The following ERMN variants were observed in gnomAD, a reference collection of about 807,000 sequenced individuals.
ERMN encodes ermin, ERM-like protein.
ERMN carries 17 observed loss-of-function variants against 21.4 expected under a neutral mutation model. That is an observed-to-expected ratio of 0.80 (90% CI 0.54 to 1.19). ERMN has a LOEUF of 1.19. Ranked by LOEUF, ERMN falls within the 50% of genes most tolerant of loss-of-function variation. The pLI is 0.00. For synonymous variants in ERMN, 115 were observed against 111.9 expected, an observed-to-expected ratio of 1.03 and a Z score of -0.17; for missense variants, 348 against 331.6, an observed-to-expected ratio of 1.05 and a Z score of -0.38.
Position 157,321,546 on chromosome 2 carries a change from A to AATT in ERMN, c.577_579dup (p.Asn193dup). ...CGAACTTCATCTTCATCATTATTGC[A>AATT]ATTATCATCATCATCATCATCAATT... is the stretch of plus-strand genomic sequence containing the variant. On this transcript the variant is annotated inframe_insertion, in exon 3 of 3. Coordinates refer to ENST00000410096, the MANE Select transcript of ERMN (RefSeq NM_020711.3). 1.9e-6 allele frequency: 3 copies of AATT among 1,613,856 alleles called. No homozygotes were observed. The highest frequency in any genetic ancestry group is 2.5e-6 in the Non-Finnish European group (3 of 1,179,936).
chr2:157,325,651 G>GTTGAATCC lies in ERMN; in HGVS notation c.-17_-10dup, dbSNP rs754105191. On this transcript the variant is annotated 5_prime_UTR_variant, in exon 1 of 3. Coordinates refer to ENST00000410096, the MANE Select transcript of ERMN (RefSeq NM_020711.3). The stretch of plus-strand genomic sequence containing the variant: ...GCCGGAACATCTGTCATGATGTGCG[G>GTTGAATCC]TTGAATCCGATCTGGAGAGAGAGCT... The GTTGAATCC allele has an allele frequency of 3.7e-6, 6 of 1,614,194 alleles. No individual in the cohort carries two copies. The highest frequency in any genetic ancestry group is 5.1e-6 in the Non-Finnish European group (6 of 1,180,010).
chr2:157,327,366 T>G (rs191828311), upstream of ERMN: 185 of 725,278 alleles, frequency 2.6e-4, no homozygotes, highest in Non-Finnish European at 4.1e-4. Context: ...GTCAGCACTC[T>G]AATTCTATGT....
Position 157,321,502 on chromosome 2 carries a change from T to A in ERMN, c.624A>T (p.Lys208Asn). 6.2e-7 allele frequency: 1 copy of A among 1,614,132 alleles called. No individual in the cohort carries two copies. ...EDEVRVIEFKKKHEEVSQFKE... is the reference protein window; with the variant it reads ...EDEVRVIEFKNKHEEVSQFKE... ...TAAATTGAGAAACCTCTTCATGTTT[T>A]TTCTTAAATTCTATCACTCGAACTT... The change falls in exon 3 of 3, where the codon AAA becomes AAT. Residue 208 changes from lysine to asparagine, a missense_variant. By Grantham distance (94) the Lys-to-Asn change is moderately conservative. Transcript: ENST00000410096.
chr2:157,325,337 C>A (rs1684037646), intron 1 of ERMN, 65 bp downstream of exon 1: 4 of 1,603,736 alleles, frequency 2.5e-6, no homozygotes, highest in African/African-American at 2.7e-5. Flanking sequence ...AATAGTTTAT[C>A]AAAAAAATCC....
chr2:157,322,040 G>A (rs531283440), intron 2 of ERMN, among the ~76,000 whole-genome samples: 9 of 152,100 alleles, frequency 5.9e-5, no homozygotes, highest in African/African-American at 1.7e-4. Context: ...AAATGCTAAC[G>A]AGTATTGTAA....
At position 157,319,609 on chromosome 2, in the gene ERMN, C is replaced by T. The variant is rs1462376307; in HGVS notation, c.*1662G>A. Reference sequence around the variant, plus strand: ...AATTAAATTGGAAATTGTCCTATTGCATCAATCTTCTCCCTAACTTTATCA... The same window carrying T: ...AATTAAATTGGAAATTGTCCTATTGTATCAATCTTCTCCCTAACTTTATCA... On this transcript the variant is annotated 3_prime_UTR_variant, in exon 3 of 3. Transcript: ENST00000410096. The T allele has an allele frequency of 6.6e-6, 1 of 152,134 alleles. No homozygotes were observed. The highest frequency in any genetic ancestry group is 1.5e-5 in the Non-Finnish European group (1 of 68,006). The allele number at this position is 152,134 out of a possible 1,614,324, so 9.4% of individuals were successfully genotyped here.
intron 2 of ERMN, among the ~76,000 whole-genome samples, chr2:157,323,660 T>C (rs1683974475): frequency 1.3e-5 from 2 of 152,204 alleles, no homozygotes; most frequent in Admixed American, 1.3e-4. Flanking sequence ...ATAAGATGTG[T>C]ATGGCTGCAA....
Position 157,321,316 on chromosome 2 carries a change from A to G in ERMN, c.810T>C (p.Asn270=), listed in dbSNP as rs777479795. ...CGAATTCATCAATTCTTTGCTTGGT[A>G]TTTCCCTTTCTGATTTTCCGATAGG... ...TISYRKIRKG[N]TKQRIDEFES... The change falls in exon 3 of 3, where the codon AAT becomes AAC. Residue 270 remains asparagine (N), a synonymous_variant. Coordinates refer to ENST00000410096, the MANE Select transcript of ERMN (RefSeq NM_020711.3). 3 of 1,613,896 alleles carry G rather than the reference A, an allele frequency of 1.9e-6. 1 individual carries two copies. The South Asian group carries it at 3.3e-5, about 18-fold the overall frequency.
rs997085013 is a variant in ERMN, at chr2:157,320,734, G to C, written c.*537C>G. Reference sequence around the variant, plus strand: ...GCTATAGAATGTTTTCTCTGTAGATGCCAAGGAAAGCCACTTAACATATTG... The same window carrying C: ...GCTATAGAATGTTTTCTCTGTAGATCCCAAGGAAAGCCACTTAACATATTG... On this transcript the variant is annotated 3_prime_UTR_variant, in exon 3 of 3. Coordinates refer to ENST00000410096, the MANE Select transcript of ERMN (RefSeq NM_020711.3). The C allele has an allele frequency of 3.3e-5, 5 of 153,220 alleles. No individual in the cohort carries two copies. The highest frequency in any genetic ancestry group is 1.2e-4 in the African/African-American group (5 of 41,466). 9.5% of individuals were successfully genotyped at this position (153,220 alleles called of 1,614,324 possible).
chr2:157,322,257 C>G lies in ERMN; in HGVS notation c.335-466G>C, dbSNP rs953980198. On this transcript the variant is annotated intron_variant, in intron 2 of 2. Transcript: ENST00000410096. ...ATACACACACACACGCACACACACA[C>G]ACACACACACACACACCTCAAGGAA... is the stretch of plus-strand genomic sequence containing the variant. 8.9e-4 allele frequency among the ~76,000 whole-genome samples: 136 copies of G among 151,992 alleles called. 1 individual carries two copies. Among genetic ancestry groups the G allele is most frequent in the African/African-American group, 2.9e-3 (121 of 41,474 alleles).
At chr2:157,325,080 G>T (rs1346007159) in intron 1 of ERMN, 8 of 465,694 alleles carry the variant, frequency 1.7e-5, no homozygotes, top group South Asian at 1.6e-4. Flanking sequence ...ATAATATGGG[G>T]CTGTCCATAA....
Position 157,321,034 on chromosome 2 carries a change from T to C in ERMN, c.*237A>G. On this transcript the variant is annotated 3_prime_UTR_variant, in exon 3 of 3. Transcript: ENST00000410096. ...GCTTAGTGCTTATCACACAATGCTA[T>C]ATTAGTGAAGTTTTAAAAGATAAAT... The C allele has an allele frequency of 1.8e-6, 1 of 541,220 alleles. No individual in the cohort carries two copies. The highest frequency in any genetic ancestry group is 3.2e-6 in the Non-Finnish European group (1 of 316,198). The allele number at this position is 541,220 out of a possible 1,614,324, so 33.5% of individuals were successfully genotyped here. A position where few individuals can be genotyped will look rare whatever the true frequency, so the allele number is the denominator to read the frequency against.
intron 2 of ERMN, chr2:157,324,319 G>T: frequency 4.6e-6 from 1 of 215,454 alleles, no homozygotes; most frequent in East Asian, 1.6e-4. Context: ...TTTTAGGAAA[G>T]ACCCGTTTTT....
chr2:157,327,387 G>C, upstream of ERMN: 1 of 757,488 alleles, frequency 1.3e-6, no homozygotes, highest in Non-Finnish European at 2.5e-6. Flanking sequence ...TTGTTTGATT[G>C]TTTAACTGTT....
At position 157,320,189 on chromosome 2, in the gene ERMN, G is replaced by A. The variant is rs925029874; in HGVS notation, c.*1082C>T. 2 of 152,654 alleles carry A rather than the reference G, an allele frequency of 1.3e-5. No homozygotes were observed. Among genetic ancestry groups the A allele is most frequent in the Admixed American group, 1.3e-4 (2 of 15,280 alleles). 9.5% of individuals were successfully genotyped at this position (152,654 alleles called of 1,614,324 possible). A position where few individuals can be genotyped will look rare whatever the true frequency, so the allele number is the denominator to read the frequency against. On this transcript the variant is annotated 3_prime_UTR_variant, in exon 3 of 3. Coordinates refer to ENST00000410096, the MANE Select transcript of ERMN (RefSeq NM_020711.3). ...CATTGGTTTGAGTGAAGCTCCACAA[G>A]TACAATTTTAAGCATCTTGATTTGG... is the stretch of plus-strand genomic sequence containing the variant.
chr2:157,327,649 G>A (rs1400734764), upstream of ERMN: 15 of 596,176 alleles, frequency 2.5e-5, no homozygotes, highest in Non-Finnish European at 4.2e-5. Context: ...GTGTGCAGAT[G>A]TTTCCTTGGA....
upstream of ERMN, chr2:157,325,995 A>T (rs1684060595): frequency 9.3e-7 from 1 of 1,069,678 alleles, no homozygotes; most frequent in Non-Finnish European, 1.1e-6. Flanking sequence ...GCATGTAGAG[A>T]GGGACTTTCA....
Position 157,325,563 on chromosome 2 carries a change from G to A in ERMN, c.80C>T (p.Thr27Ile). 2 of 1,614,138 alleles carry A rather than the reference G, an allele frequency of 1.2e-6. No homozygotes were observed. The highest frequency in any genetic ancestry group is 2.2e-5 in the East Asian group (1 of 44,878). Residue 27 changes from threonine (T) to isoleucine (I), a missense_variant, in exon 1 of 3, where the codon ACT becomes ATT. By Grantham distance (89) the Thr-to-Ile change is moderately conservative. Coordinates refer to ENST00000410096, the MANE Select transcript of ERMN (RefSeq NM_020711.3). ...ATCAGTCAATTCCTCACTGATTTTA[G>A]TGATTGTTTGTTGACCGTTTTCAGG... ...KPPENGQQTI[T>I]KISEELTDVD...
upstream of ERMN, chr2:157,327,263 C>T: frequency 1.9e-6 from 1 of 530,236 alleles, no homozygotes; most frequent in South Asian, 2.5e-5. Flanking sequence ...GGGACAACAC[C>T]TCACTCTTGT....
Sources: gnomAD v4.1 joint callset for allele counts (sites outside exome capture counted in the v4.1 genomes callset) on GRCh38, gnomAD v4.1.1 for gene constraint, MANE v1.5 for transcripts, NCBI Gene and HGNC (gene_info 2026-07-23, HGNC 2026-07-21) for gene names.